The following NRXN1 variants were observed in gnomAD, a reference collection of about 807,000 sequenced individuals.
NRXN1 encodes the protein neurexin 1, also known as neurexin-1.
Under a neutral mutation model 150.9 loss-of-function variants are expected in NRXN1, and 39 were observed. The observed-to-expected ratio is 0.26, with a 90% confidence interval of 0.20 to 0.34. NRXN1 has a LOEUF of 0.34. Ranked by LOEUF, NRXN1 falls within the 10% of genes least tolerant of loss-of-function variation. The pLI, the probability that NRXN1 is intolerant of heterozygous loss-of-function variation, is 1.00. For missense variants in NRXN1, 1,815 were observed against 1,949.9 expected, an observed-to-expected ratio of 0.93 and a Z score of 1.30; for synonymous variants, 924 against 757.0, an observed-to-expected ratio of 1.22 and a Z score of -3.62.
intron 8 of NRXN1, among the ~76,000 whole-genome samples, chr2:50,556,533 A>G (rs1472473259): frequency 6.6e-6 from 1 of 151,068 alleles, no homozygotes; most frequent in East Asian, 1.9e-4. Flanking sequence ...AGAGTGATTC[A>G]AAATGTTGAA....
intron 2 of NRXN1, among the ~76,000 whole-genome samples, chr2:50,948,713 C>G (rs1161311597): frequency 6.6e-6 from 1 of 151,950 alleles, no homozygotes; most frequent in Non-Finnish European, 1.5e-5. Context: ...ATATCACAGG[C>G]AAATGTCTCT....
At chr2:50,734,710 A>AG (rs983743407) in intron 5 of NRXN1, among the ~76,000 whole-genome samples, 1 of 151,864 alleles carries the variant, frequency 6.6e-6, no homozygotes, top group Non-Finnish European at 1.5e-5. Context: ...ATTTCTCACT[A>AG]GGAAAAAAAA....
At chr2:50,088,066 C>A (rs1699046525) in intron 19 of NRXN1, among the ~76,000 whole-genome samples, 1 of 152,058 alleles carries the variant, frequency 6.6e-6, no homozygotes, top group Non-Finnish European at 1.5e-5. Context: ...GGTAAAAGCT[C>A]TAATTTAGCT....
intron 5 of NRXN1, among the ~76,000 whole-genome samples, chr2:50,766,781 C>T (rs528490334): frequency 6.6e-6 from 1 of 152,092 alleles, no homozygotes; most frequent in African/African-American, 2.4e-5. Context: ...CATTGTTTCT[C>T]TAGTTCAGAT....
intron 17 of NRXN1, among the ~76,000 whole-genome samples, chr2:50,400,921 A>G (rs1003743378): frequency 6.6e-6 from 1 of 152,178 alleles, no homozygotes; most frequent in African/African-American, 2.4e-5. Flanking sequence ...TCCGCAAGAT[A>G]TATCTATTCA....
At chr2:50,390,200 C>T (rs890431124) in intron 17 of NRXN1, among the ~76,000 whole-genome samples, 5 of 151,978 alleles carry the variant, frequency 3.3e-5, no homozygotes, top group East Asian at 3.9e-4. Flanking sequence ...TATAGGTTTG[C>T]CTATTTAAAC....
At chr2:50,777,419 G>A (rs546992346) in intron 5 of NRXN1, among the ~76,000 whole-genome samples, 52 of 152,146 alleles carry the variant, frequency 3.4e-4, no homozygotes, top group Non-Finnish European at 6.5e-4. Context: ...TTGCAAGACA[G>A]TTGATTTTTA....
At chr2:50,933,784 G>T (rs1688123189) in intron 2 of NRXN1, among the ~76,000 whole-genome samples, 1 of 151,926 alleles carries the variant, frequency 6.6e-6, no homozygotes, top group Non-Finnish European at 1.5e-5. Flanking sequence ...TCCTGAAATG[G>T]GCATTCACTA....
intron 22 of NRXN1, among the ~76,000 whole-genome samples, chr2:49,924,877 T>A (rs1668817444): frequency 6.6e-6 from 1 of 152,230 alleles, no homozygotes. Context: ...TTATTATAGG[T>A]ATGTTCGGAA....
intron 17 of NRXN1, among the ~76,000 whole-genome samples, chr2:50,375,174 T>G (rs561832219): frequency 1.3e-5 from 2 of 152,078 alleles, no homozygotes; most frequent in South Asian, 4.1e-4. Context: ...TAGTTTAACA[T>G]TGCTTTTAAG....
chr2:50,924,336 C>G (rs1686535923), intron 3 of NRXN1, among the ~76,000 whole-genome samples: 3 of 151,626 alleles, frequency 2.0e-5, no homozygotes, highest in African/African-American at 7.3e-5. Context: ...TATGATTGAA[C>G]AGACTTTATT....
chr2:50,953,104 C>G (rs962719917), intron 2 of NRXN1, among the ~76,000 whole-genome samples: 9 of 152,166 alleles, frequency 5.9e-5, no homozygotes, highest in African/African-American at 1.4e-4. Flanking sequence ...TAGACTCTGA[C>G]TCTCCCTTAA....
chr2:50,465,578 A>G lies in NRXN1; in HGVS notation c.3245-17T>C, dbSNP rs766951383. The stretch of plus-strand genomic sequence containing the variant: ...TGCTGGGCCCTGCAAAACAATCCAA[A>G]GGAAACTTGGGTTCTTTAAAAGAAT... On this transcript the variant is annotated splice_polypyrimidine_tract_variant and intron_variant, in intron 16 of 22. Transcript: ENST00000401669. The G allele has an allele frequency of 1.6e-5, 26 of 1,592,810 alleles. No individual in the cohort carries two copies. Among genetic ancestry groups the G allele is most frequent in the Non-Finnish European group, 2.1e-5 (24 of 1,168,388 alleles).
chr2:50,047,814 C>G (rs1461318701), intron 21 of NRXN1, among the ~76,000 whole-genome samples: 1 of 151,898 alleles, frequency 6.6e-6, no homozygotes, highest in Non-Finnish European at 1.5e-5. Flanking sequence ...GCAGAAAAGT[C>G]TAATTTTGAT....
At chr2:50,707,914 A>G (rs904801217) in intron 5 of NRXN1, among the ~76,000 whole-genome samples, 1 of 152,188 alleles carries the variant, frequency 6.6e-6, no homozygotes, top group African/African-American at 2.4e-5. Flanking sequence ...CTACAGATGG[A>G]TAATCTCCAA....
intron 8 of NRXN1, among the ~76,000 whole-genome samples, chr2:50,561,473 G>A (rs1335875478): frequency 6.6e-6 from 1 of 152,170 alleles, no homozygotes; most frequent in African/African-American, 2.4e-5. Context: ...GGCTTAAAAG[G>A]CTAGAAGGCT....
intron 5 of NRXN1, among the ~76,000 whole-genome samples, chr2:50,897,505 A>T (rs1239591033): frequency 6.6e-6 from 1 of 152,220 alleles, no homozygotes; most frequent in Admixed American, 6.5e-5. Flanking sequence ...GCATTCCTTG[A>T]TATTAATAAG....
intron 5 of NRXN1, among the ~76,000 whole-genome samples, chr2:50,751,985 T>C (rs1411576077): frequency 2.6e-5 from 4 of 151,884 alleles, no homozygotes; most frequent in African/African-American, 9.7e-5. Context: ...TGAGTAGCTA[T>C]TGAATTGAAA....
At chr2:50,789,118 T>A (rs1705574624) in intron 5 of NRXN1, among the ~76,000 whole-genome samples, 1 of 152,164 alleles carries the variant, frequency 6.6e-6, no homozygotes, top group African/African-American at 2.4e-5. Context: ...TGGCCAAGGA[T>A]TTTAAGTGTA....
Sources: allele counts gnomAD v4.1 joint callset (sites outside exome capture counted in the v4.1 genomes callset), GRCh38; gene constraint gnomAD v4.1.1; transcripts MANE v1.5; gene names NCBI Gene and HGNC (gene_info 2026-07-23, HGNC 2026-07-21).